Variants in SLC4A7 observed in about 807,000 individuals in gnomAD.
SLC4A7 encodes the protein sodium bicarbonate cotransporter 3.
In SLC4A7, 51 loss-of-function variants were observed where a neutral mutation model predicts 137.6. The observed-to-expected ratio is 0.37, with a 90% CI of 0.30 to 0.47. SLC4A7 has a LOEUF of 0.47. SLC4A7 is among the 20% of genes least tolerant of loss of function. The pLI, the probability that SLC4A7 is intolerant of heterozygous loss-of-function variation, is 1.00. For missense variants in SLC4A7, 1,247 were observed against 1,525.4 expected (o/e 0.82, Z 3.04); for synonymous variants, 542 against 518.6 (o/e 1.05, Z -0.61).
chr3:27,454,122 C>T (rs1419370903), intron 1 of SLC4A7, among the ~76,000 whole-genome samples: 1 of 152,062 alleles, frequency 6.6e-6, no homozygotes, highest in African/African-American at 2.4e-5. Context: ...CCAGCCTAGA[C>T]AACATAGCAA....
chr3:27,423,732 A>T (rs966041393), intron 8 of SLC4A7: 2 of 229,030 alleles, frequency 8.7e-6, no homozygotes, highest in African/African-American at 4.6e-5. Context: ...GTAGTTCAAA[A>T]AGTACTGACG....
At chr3:27,425,870 A>G (rs953088084) in intron 7 of SLC4A7, among the ~76,000 whole-genome samples, 1 of 152,026 alleles carries the variant, frequency 6.6e-6, no homozygotes, top group East Asian at 1.9e-4. Context: ...TATAGGAGGA[A>G]AAGGTACTGA....
intron 1 of SLC4A7, among the ~76,000 whole-genome samples, chr3:27,463,476 G>A (rs1260196744): frequency 2.0e-5 from 3 of 151,592 alleles, no homozygotes; most frequent in African/African-American, 7.3e-5. Context: ...CGTGGTGGCG[G>A]TTGCAGTCAG....
intron 20 of SLC4A7, 33 bp from the exon 21 acceptor site, chr3:27,391,841 G>A (rs1211966331): frequency 3.1e-6 from 4 of 1,285,114 alleles, no homozygotes; most frequent in Admixed American, 2.0e-5. Context: ...TAGAACTCAT[G>A]AGTAGTAAGT....
chr3:27,438,204 C>A (rs1186353488), intron 3 of SLC4A7, among the ~76,000 whole-genome samples: 1 of 147,462 alleles, frequency 6.8e-6, no homozygotes, highest in Non-Finnish European at 1.5e-5. Context: ...GTCAATCAAT[C>A]AATAAAATAA....
intron 8 of SLC4A7, 21 bp downstream of exon 8, chr3:27,424,016 T>C (rs541406630): frequency 6.4e-5 from 83 of 1,300,802 alleles, no homozygotes; most frequent in Non-Finnish European, 8.8e-5. Flanking sequence ...TATGAGAATT[T>C]TCAGTTAATG....
chr3:27,461,217 C>A (rs2058678235), intron 1 of SLC4A7, among the ~76,000 whole-genome samples: 1 of 150,620 alleles, frequency 6.6e-6, no homozygotes, highest in Non-Finnish European at 1.5e-5. Context: ...AGCACACACA[C>A]ACACACACAC....
intron 7 of SLC4A7, chr3:27,428,212 C>A (rs766860347): frequency 1.3e-5 from 2 of 154,204 alleles, no homozygotes; most frequent in African/African-American, 4.8e-5. Flanking sequence ...ATCTTTTTCA[C>A]GAACTGATAA....
In SLC4A7 at chr3:27,400,862, A is replaced by G; in HGVS notation, c.2329T>C (p.Cys777Arg). The change falls in exon 16 of 26, where the codon TGT (cysteine) becomes CGT (arginine). Residue 777 changes from cysteine (C) to arginine (R), a missense_variant. Cys to Arg is a radical substitution (Grantham distance 180). Around this residue, in one of 6 missense-constraint regions of SLC4A7, gnomAD observed 499 missense variants for 664.2 expected, o/e 0.75. Transcript: ENST00000454389. ...LDKLTSYSCV[C>R]TEPPNPSNET... ...TTGCTGGGGTTTGGAGGTTCAGTACATACACATCTGAGAAATTAGAGTAGG... is the reference window on the plus strand; with the variant it reads ...TTGCTGGGGTTTGGAGGTTCAGTACGTACACATCTGAGAAATTAGAGTAGG... 6.4e-7 allele frequency: 1 copy of G among 1,558,350 alleles called. No individual in the cohort carries two copies. The highest frequency in any genetic ancestry group is 8.8e-7 in the Non-Finnish European group (1 of 1,132,348).
At chr3:27,426,821 T>C (rs1204400682) in intron 7 of SLC4A7, among the ~76,000 whole-genome samples, 3 of 152,170 alleles carry the variant, frequency 2.0e-5, no homozygotes, top group African/African-American at 4.8e-5. Flanking sequence ...CTAAAACTGT[T>C]TTCTCAATCA....
Position 27,385,900 on chromosome 3 carries a change from C to A in SLC4A7, c.3484G>T (p.Glu1162Ter), listed in dbSNP as rs774501005. 4 of 1,550,418 alleles carry A rather than the reference C, an allele frequency of 2.6e-6. No homozygotes were observed. The highest frequency in any genetic ancestry group is 1.1e-5 in the South Asian group (1 of 87,130). ...KKKEDDKKKK[E>*]KEEAERMLQD... ...AATTGTTATCTTTTTACCTCTTTCT[C>A]TTTTTTCTTTTTGTCATCTTCTTTC... Residue 1162 changes from glutamate (E) to a stop codon, truncating the protein, a stop_gained, in exon 23 of 26, where the codon GAG (glutamate) becomes TAG (stop). Coordinates refer to ENST00000454389, the MANE Select transcript of SLC4A7 (RefSeq NM_001321103.2). LOFTEE classifies it high-confidence loss of function.
chr3:27,436,368 A>G lies in SLC4A7; in HGVS notation c.589+20T>C. Reference sequence around the variant, plus strand: ...TTCCACTACACCTTACATATTTTTTAAAAGTCAGTTTACTATAACCTGCTA... The same window carrying G: ...TTCCACTACACCTTACATATTTTTTGAAAGTCAGTTTACTATAACCTGCTA... On this transcript the variant is annotated intron_variant, in intron 5 of 25. Coordinates refer to ENST00000454389, the MANE Select transcript of SLC4A7 (RefSeq NM_001321103.2). 6.3e-7 allele frequency: 1 copy of G among 1,588,046 alleles called. No individual in the cohort carries two copies. The highest frequency in any genetic ancestry group is 8.6e-7 in the Non-Finnish European group (1 of 1,162,860).
At chr3:27,418,773 C>T (rs1360710223) in intron 10 of SLC4A7, 141 bp from the exon 11 acceptor site, 10 of 576,864 alleles carry the variant, frequency 1.7e-5, no homozygotes, top group Middle Eastern at 4.6e-4. Context: ...TTCAGCCCAG[C>T]CTGGGTAACA....
intron 1 of SLC4A7, 73 bp downstream of exon 1, chr3:27,483,994 C>A (rs1247266678): frequency 2.6e-6 from 3 of 1,168,650 alleles, no homozygotes; most frequent in Admixed American, 4.3e-5. Flanking sequence ...ACGCCCGCCG[C>A]GCCCCCCGCC....
At chr3:27,466,150 G>A (rs2058983540) in intron 1 of SLC4A7, among the ~76,000 whole-genome samples, 1 of 151,810 alleles carries the variant, frequency 6.6e-6, no homozygotes, top group Non-Finnish European at 1.5e-5. Context: ...CTCTTTATAT[G>A]ACAGAAAAGG....
intron 7 of SLC4A7, among the ~76,000 whole-genome samples, chr3:27,425,885 C>A (rs1018195390): frequency 1.3e-5 from 2 of 151,916 alleles, no homozygotes; most frequent in African/African-American, 2.4e-5. Context: ...TACTGAAATA[C>A]AACAGACTTT....
At chr3:27,443,125 G>T (rs762650235) in intron 3 of SLC4A7, among the ~76,000 whole-genome samples, 1 of 132,828 alleles carries the variant, frequency 7.5e-6, no homozygotes, top group Middle Eastern at 4.3e-3. Flanking sequence ...TCTGCCTCCC[G>T]CATTCAAGCA....
chr3:27,372,792 A>C lies in SLC4A7; in HGVS notation c.*3972T>G, dbSNP rs2049645778. The C allele has an allele frequency of 6.6e-6, 1 of 152,656 alleles. No homozygotes were observed. The highest frequency in any genetic ancestry group is 1.9e-4 in the East Asian group (1 of 5,204). The allele number at this position is 152,656 out of a possible 1,614,324, so 9.5% of individuals were successfully genotyped here. ...CCAAAAAAATAGTTTTCATCTAACA[A>C]TTATGAAACAAATTTGAAAGGCAGG... On this transcript the variant is annotated 3_prime_UTR_variant, in exon 26 of 26. Transcript: ENST00000454389.
chr3:27,422,392 C>T (rs575575849), intron 8 of SLC4A7, among the ~76,000 whole-genome samples: 39 of 152,160 alleles, frequency 2.6e-4, no homozygotes, highest in African/African-American at 8.4e-4. Context: ...CTTGGCCTCC[C>T]GAGTAGCTGA....
Sources: allele counts gnomAD v4.1 joint callset (sites outside exome capture counted in the v4.1 genomes callset), GRCh38; gene constraint gnomAD v4.1.1; regional missense constraint gnomAD v4.1.1; transcripts MANE v1.5; gene names NCBI Gene and HGNC (gene_info 2026-07-23, HGNC 2026-07-21).